The following ZNF462 variants were observed in gnomAD, a reference collection of about 807,000 sequenced individuals.
ZNF462 encodes zinc finger PBX1-interacting protein.
In ZNF462, 10 loss-of-function variants were observed where a neutral mutation model predicts 201.9. That is an observed-to-expected ratio of 0.05 (90% CI 0.03 to 0.08). ZNF462 has a LOEUF of 0.08. ZNF462 is among the 10% of genes least tolerant of loss of function. The probability of loss-of-function intolerance (pLI) is 1.00; values close to 1 mark genes in which losing one functional copy is unlikely to be tolerated. For missense variants in ZNF462, 2,523 were observed against 3,168.3 expected, an observed-to-expected ratio of 0.80 and a Z score of 4.89; for synonymous variants, 1,227 against 1,193.3, an observed-to-expected ratio of 1.03 and a Z score of -0.58.
At position 106,932,206 on chromosome 9, in the gene ZNF462, A is replaced by G. The variant is rs878943842; in HGVS notation, c.6013-240A>G. 1.3e-6 allele frequency: 2 copies of G among 1,541,748 alleles called. No individual in the cohort carries two copies. Among genetic ancestry groups the G allele is most frequent in the South Asian group, 2.4e-5 (2 of 82,910 alleles). ...AGGGAGAAAAAGAAAGCTGGAGGCA[A>G]TGATGATGGATATTTATTTTGTTGG... is the stretch of plus-strand genomic sequence containing the variant. On this transcript the variant is annotated intron_variant, in intron 4 of 12. Coordinates refer to ENST00000277225, the MANE Select transcript of ZNF462 (RefSeq NM_021224.6). The surrounding 1 kb of genome is among the most constrained non-coding windows in gnomAD (Gnocchi z 6.8).
chr9:106,953,374 A>G (rs989535870), intron 7 of ZNF462, among the ~76,000 whole-genome samples: 9 of 152,146 alleles, frequency 5.9e-5, no homozygotes, highest in Non-Finnish European at 1.2e-4. Flanking sequence ...CCCTATGACT[A>G]TAATGAAATA....
In ZNF462 at chr9:106,968,977, G is replaced by A. The variant is rs1324529149; in HGVS notation, c.6428-3028G>A. 6.6e-6 allele frequency among the ~76,000 whole-genome samples: 1 copy of A among 152,026 alleles called. No homozygotes were observed. Among genetic ancestry groups the A allele is most frequent in the Non-Finnish European group, 1.5e-5 (1 of 68,020 alleles). ...AGGAATTTTATGTAGCTTAGCAAGT[G>A]GGCTTTTTAAAGATCGGTGGAATGA... On this transcript the variant is annotated intron_variant, in intron 7 of 12. Coordinates refer to ENST00000277225, the MANE Select transcript of ZNF462 (RefSeq NM_021224.6). This position sits in a 1 kb window ranked among gnomAD's most constrained non-coding sequence, Gnocchi z 4.0.
At position 106,920,564 on chromosome 9, in the gene ZNF462, A is replaced by G. The variant is rs559954453; in HGVS notation, c.-30-2790A>G. Among the ~76,000 whole-genome samples, 52 of 152,360 alleles carry G rather than the reference A, an allele frequency of 3.4e-4. No individual in the cohort carries two copies. The highest frequency in any genetic ancestry group is 1.3e-3 in the African/African-American group (52 of 41,588). ...CTATTTTTGAGGCAGAGGCTGCAAC[A>G]ACATTAAAGCTAGAACCCATTAGGA... On this transcript the variant is annotated intron_variant, in intron 1 of 12. Coordinates refer to ENST00000277225, the MANE Select transcript of ZNF462 (RefSeq NM_021224.6). This position sits in a 1 kb window ranked among gnomAD's most constrained non-coding sequence, Gnocchi z 4.3.
rs538273084 is a variant in ZNF462, at chr9:106,919,879, T to C, written c.-30-3475T>C. Among the ~76,000 whole-genome samples, 12 of 152,352 alleles carry C rather than the reference T, an allele frequency of 7.9e-5. No individual in the cohort carries two copies. The highest frequency in any genetic ancestry group is 2.0e-4 in the Admixed American group (3 of 15,302). ...AGAAGACAGGGATGCTTGTTTGATA[T>C]GTAGATTCATCTCATGACCTTTTGA... On this transcript the variant is annotated intron_variant, in intron 1 of 12. Coordinates refer to ENST00000277225, the MANE Select transcript of ZNF462 (RefSeq NM_021224.6). The surrounding 1 kb of genome is among the most constrained non-coding windows in gnomAD (Gnocchi z 4.5).
rs764957035 is a variant in ZNF462, at chr9:106,926,443, A to G, written c.2531A>G (p.Tyr844Cys). Residue 844 changes from tyrosine (Y) to cysteine (C), a missense_variant, in exon 3 of 13, where the codon TAT becomes TGT. By Grantham distance (194) the Tyr-to-Cys change is radical. Around this residue, in one of 15 missense-constraint regions of ZNF462, gnomAD observed 383 missense variants for 453.4 expected, o/e 0.84. Coordinates refer to ENST00000277225, the MANE Select transcript of ZNF462 (RefSeq NM_021224.6). This position sits in a 1 kb window ranked among gnomAD's most constrained non-coding sequence, Gnocchi z 7.9. ...TDFGDSGRLY[Y>C]CKHCDFNNKS... ...TTTGGTGACTCTGGAAGGCTTTACT[A>G]TTGTAAACACTGTGACTTTAACAAC... is the stretch of plus-strand genomic sequence containing the variant. 2.5e-6 allele frequency: 4 copies of G among 1,614,186 alleles called. No individual in the cohort carries two copies. The highest frequency in any genetic ancestry group is 4.5e-5 in the East Asian group (2 of 44,878).
At chr9:106,969,966 A>G (rs1284158662) in intron 7 of ZNF462, among the ~76,000 whole-genome samples, 1 of 152,180 alleles carries the variant, frequency 6.6e-6, no homozygotes, top group Non-Finnish European at 1.5e-5. Context: ...TTTGTGCTTC[A>G]TTGTGCATGT....
At chr9:106,914,213 C>T (rs1344039180) in intron 1 of ZNF462, among the ~76,000 whole-genome samples, 2 of 139,176 alleles carry the variant, frequency 1.4e-5, no homozygotes, top group Non-Finnish European at 3.3e-5. Context: ...ACTCCCCAGC[C>T]AGGACCCCAT....
intron 10 of ZNF462, among the ~76,000 whole-genome samples, chr9:106,994,848 G>C (rs146720974): frequency 1.6e-4 from 25 of 152,278 alleles, no homozygotes; most frequent in Non-Finnish European, 3.2e-4. Context: ...CTTTGTCCCA[G>C]ATTCAAAGCT....
At position 107,010,943 on chromosome 9, in the gene ZNF462, CT is replaced by C; in HGVS notation, c.7438del (p.Ser2480ProfsTer2). ...AAGATGACGAGGCCATTGGGATAGA[CT>C]TTTCCCTAAAGAATGAAACAGTAGC... is the stretch of plus-strand genomic sequence containing the variant. The part of the protein sequence containing the change: ...KEDDEAIGID[F>X]SLKNETVAIC... On this transcript the variant is annotated frameshift_variant, in exon 13 of 13. Coordinates refer to ENST00000277225, the MANE Select transcript of ZNF462 (RefSeq NM_021224.6). LOFTEE classifies it high-confidence loss of function. The surrounding 1 kb of genome is among the most constrained non-coding windows in gnomAD (Gnocchi z 4.6). 6.2e-7 allele frequency: 1 copy of C among 1,613,728 alleles called. No homozygotes were observed. Among genetic ancestry groups the C allele is most frequent in the South Asian group, 1.1e-5 (1 of 91,074 alleles).
chr9:106,947,339 G>C (rs530703761), intron 7 of ZNF462, among the ~76,000 whole-genome samples: 2 of 152,162 alleles, frequency 1.3e-5, no homozygotes, highest in Non-Finnish European at 2.9e-5. Flanking sequence ...GACTCGCACA[G>C]GTCACTCACT....
intron 1 of ZNF462, among the ~76,000 whole-genome samples, chr9:106,907,186 T>C (rs576518889): frequency 6.6e-6 from 1 of 152,284 alleles, no homozygotes; most frequent in East Asian, 1.9e-4. Context: ...AGCTCCTGGA[T>C]TTTATTTTGA....
chr9:106,951,455 G>A (rs1383576245), intron 7 of ZNF462, among the ~76,000 whole-genome samples: 1 of 152,072 alleles, frequency 6.6e-6, no homozygotes, highest in African/African-American at 2.4e-5. Flanking sequence ...TTGAGAGAAA[G>A]CAAAAAACAA....
intron 1 of ZNF462, among the ~76,000 whole-genome samples, chr9:106,921,285 A>G (rs1829980744): frequency 6.6e-6 from 1 of 152,192 alleles, no homozygotes. Context: ...TCATGGAATA[A>G]AAGAACCTTT....
chr9:106,975,476 A>G (rs1249336875), intron 9 of ZNF462: 1 of 152,330 alleles, frequency 6.6e-6, no homozygotes, highest in East Asian at 1.9e-4. Context: ...GACATTTAAC[A>G]TGCACAGATT....
At chr9:106,991,049 T>C (rs1007289702) in intron 10 of ZNF462, among the ~76,000 whole-genome samples, 2 of 151,858 alleles carry the variant, frequency 1.3e-5, no homozygotes, top group African/African-American at 4.8e-5. Flanking sequence ...AATTCAAATA[T>C]AAAAGTCAAG....
At position 106,914,416 on chromosome 9, in the gene ZNF462, T is replaced by C. The variant is rs1829683144; in HGVS notation, c.-30-8938T>C. 7.2e-5 allele frequency among the ~76,000 whole-genome samples: 11 copies of C among 152,160 alleles called. No homozygotes were observed. The South Asian group carries it at 2.3e-3, about 32-fold the overall frequency. On this transcript the variant is annotated intron_variant, in intron 1 of 12. Transcript: ENST00000277225. ...AGATGCTGGGTATGATAACTAAAAC[T>C]GCCTGCAGATACTGCCAAACAGCCC...
At chr9:106,965,552 T>C (rs1406829217) in intron 7 of ZNF462, among the ~76,000 whole-genome samples, 1 of 152,024 alleles carries the variant, frequency 6.6e-6, no homozygotes, top group Non-Finnish European at 1.5e-5. Context: ...TTAAATGTGC[T>C]GCCACAGGGA....
In ZNF462 at chr9:106,895,222, G is replaced by C. The variant is rs1365283304; in HGVS notation, c.-30-28132G>C. On this transcript the variant is annotated intron_variant, in intron 1 of 12. Transcript: ENST00000277225. The surrounding 1 kb of genome is among the most constrained non-coding windows in gnomAD (Gnocchi z 4.4). ...TATTACCAAAGAGTAGACTGTTCTT[G>C]ACATATGTTAGAAAAAATTGAGCTT... Among the ~76,000 whole-genome samples, 1 of 152,096 alleles carries C rather than the reference G, an allele frequency of 6.6e-6. No individual in the cohort carries two copies. Among genetic ancestry groups the C allele is most frequent in the African/African-American group, 2.4e-5 (1 of 41,394 alleles).
chr9:106,989,937 T>G (rs1307411313), intron 10 of ZNF462, among the ~76,000 whole-genome samples: 1 of 152,186 alleles, frequency 6.6e-6, no homozygotes, highest in Non-Finnish European at 1.5e-5. Context: ...TCTTCTTTTC[T>G]TGGTTAATCT....
Sources: gnomAD v4.1 joint callset for allele counts (sites outside exome capture counted in the v4.1 genomes callset) on GRCh38, gnomAD v4.1.1 for gene constraint, gnomAD v4.1.1 regional missense constraint, Gnocchi (gnomAD v3.1) non-coding constraint, MANE v1.5 for transcripts, NCBI Gene and HGNC (gene_info 2026-07-23, HGNC 2026-07-21) for gene names.